The following NAIP variants were observed in gnomAD, a reference collection of about 807,000 sequenced individuals.
NAIP encodes the protein NLR family apoptosis inhibitory protein.
Under a neutral mutation model 23.0 loss-of-function variants are expected in NAIP, and 15 were observed. The ratio of observed to expected loss-of-function variants is 0.65; its 90% CI spans 0.44 to 1.00. The LOEUF is 1.00. Among genes scored for constraint, NAIP ranks in the 50% least tolerant of loss-of-function variants. The probability of loss-of-function intolerance (pLI) is 0.00; values close to 1 mark genes in which losing one functional copy is unlikely to be tolerated. For missense variants in NAIP, 265 were observed against 278.8 expected, an observed-to-expected ratio of 0.95 and a Z score of 0.35; for synonymous variants, 100 against 100.2, an observed-to-expected ratio of 1.00 and a Z score of 0.01.
At position 71,012,435 on chromosome 5, in the gene NAIP, C is replaced by T. The variant is rs61757629; in HGVS notation, c.481G>A (p.Ala161Thr). The change falls in exon 4 of 17, where the codon GCT (alanine) becomes ACT (threonine). Residue 161 changes from alanine (A) to threonine (T), a missense_variant. Transcript: ENST00000517649. ...GGKMRYQEEE[A>T]RLASFRNWPF... ...CAGTTCCTGAAGGACGCAAGTCTAG[C>T]CTCCTCTTCTTGGTACCTCATTTTA... The T allele has an allele frequency of 0.022, 34,688 of 1,591,440 alleles. 1,401 individuals are homozygous for T. The highest frequency in any genetic ancestry group is 0.028 in the Middle Eastern group (168 of 6,022).
chr5:70,978,791 C>T (rs1580911658), intron 13 of NAIP, among the ~76,000 whole-genome samples: 5 of 53,204 alleles, frequency 9.4e-5, no homozygotes, highest in Admixed American at 2.2e-4. Context: ...GGATTTCTTT[C>T]TTTTTTTTTT....
At chr5:71,010,708 A>G (rs1438568961) in intron 5 of NAIP, among the ~76,000 whole-genome samples, 1 of 151,488 alleles carries the variant, frequency 6.6e-6, no homozygotes, top group Non-Finnish European at 1.5e-5. Flanking sequence ...TTATTTATTA[A>G]TTAAGGCAGA....
At chr5:71,010,095 G>A (rs1751075798) in intron 5 of NAIP, among the ~76,000 whole-genome samples, 1 of 151,338 alleles carries the variant, frequency 6.6e-6, no homozygotes, top group Non-Finnish European at 1.5e-5. Flanking sequence ...CACCCCTATG[G>A]AAATTATTAT....
intron 5 of NAIP, among the ~76,000 whole-genome samples, chr5:71,008,421 GT>G (rs1750975982): frequency 1.0e-5 from 1 of 97,678 alleles, no homozygotes; most frequent in Non-Finnish European, 2.1e-5. Context: ...ACTTATAAAT[GT>G]AAATAACTGT....
At chr5:71,013,043 T>C (rs975545842) in intron 3 of NAIP, 125 bp from the exon 4 acceptor site, 1 of 927,008 alleles carries the variant, frequency 1.1e-6, no homozygotes, top group Non-Finnish European at 1.6e-6. Flanking sequence ...AAAAGATAAA[T>C]TGTTGGAAAA....
intron 3 of NAIP, among the ~76,000 whole-genome samples, chr5:71,016,447 C>T (rs1412574720): frequency 6.6e-6 from 1 of 151,386 alleles, no homozygotes; most frequent in Non-Finnish European, 1.5e-5. Flanking sequence ...CCATTACCCT[C>T]CTAGCCCTAG....
intron 13 of NAIP, among the ~76,000 whole-genome samples, chr5:70,978,147 ATAT>A (rs1160838389): frequency 7.5e-4 from 28 of 37,556 alleles, no homozygotes; most frequent in African/African-American, 1.3e-3. Flanking sequence ...ATATATATAT[ATAT>A]TTTTTTTTTT....
At position 70,969,950 on chromosome 5, in the gene NAIP, GT is replaced by G. The variant is rs1214214091; in HGVS notation, c.*153del. 2 of 309,478 alleles carry G rather than the reference GT, an allele frequency of 6.5e-6. No homozygotes were observed. The highest frequency in any genetic ancestry group is 4.6e-5 in the Admixed American group (1 of 21,542). 19.2% of individuals were successfully genotyped at this position (309,478 alleles called of 1,614,324 possible). ...GCAGGACTGTGTTTTGTTTTGTTTTGTTTTTTAGCAAGCCTTACACATTTTC... is the reference window on the plus strand; with the variant it reads ...GCAGGACTGTGTTTTGTTTTGTTTTGTTTTTAGCAAGCCTTACACATTTTC... On this transcript the variant is annotated 3_prime_UTR_variant, in exon 17 of 17. Transcript: ENST00000517649.
intron 3 of NAIP, among the ~76,000 whole-genome samples, chr5:71,017,369 T>C (rs1751491553): frequency 1.1e-5 from 1 of 94,556 alleles, no homozygotes; most frequent in Admixed American, 1.2e-4. Flanking sequence ...ATCACACTGC[T>C]TTAAAGTGAC....
rs1750102601 is a variant in NAIP, at chr5:70,969,876, C to CCAATTA, written c.*227_*228insTAATTG. ...TTAGCTGGGGTGGATTACTCAGGGA[C>CCAATTA]CTCAAAGGTATTGGTGATGATTTAT... On this transcript the variant is annotated 3_prime_UTR_variant, in exon 17 of 17. Coordinates refer to ENST00000517649, the MANE Select transcript of NAIP (RefSeq NM_004536.3). 1.9e-6 allele frequency: 1 copy of CCAATTA among 532,766 alleles called. No individual in the cohort carries two copies. Among genetic ancestry groups the CCAATTA allele is most frequent in the Non-Finnish European group, 3.4e-6 (1 of 294,866 alleles). The allele number at this position is 532,766 out of a possible 1,614,324, so 33.0% of individuals were successfully genotyped here.
rs1554083615 is a variant in NAIP at position 70,979,584 on chromosome 5, A to ATAAT, written c.3442+284_3442+285insATTA. ...CGGGAGACTGTCTCAAAAAAAAAAAAAATAATAATAATAATAATAATAATA... is the reference window on the plus strand; with the variant it reads ...CGGGAGACTGTCTCAAAAAAAAAAAATAATAATAATAATAATAATAATAATAATA... On this transcript the variant is annotated intron_variant, in intron 13 of 16. Coordinates refer to ENST00000517649, the MANE Select transcript of NAIP (RefSeq NM_004536.3). Among the ~76,000 whole-genome samples, 9 of 42,824 alleles carry ATAAT rather than the reference A, an allele frequency of 2.1e-4. 1 individual carries two copies. Among genetic ancestry groups the ATAAT allele is most frequent in the African/African-American group, 9.8e-4 (9 of 9,212 alleles). The allele number at this position is 42,824 out of a possible 152,430, so 28.1% of individuals were successfully genotyped here. A position where few individuals can be genotyped will look rare whatever the true frequency, so the allele number is the denominator to read the frequency against.
chr5:71,016,395 G>A (rs1751450457), intron 3 of NAIP, among the ~76,000 whole-genome samples: 2 of 149,018 alleles, frequency 1.3e-5, no homozygotes, highest in African/African-American at 5.0e-5. Flanking sequence ...CATCCCCCCA[G>A]AAAGAAACGC....
chr5:71,010,104 A>G (rs932284054), intron 5 of NAIP, among the ~76,000 whole-genome samples: 1 of 151,490 alleles, frequency 6.6e-6, no homozygotes, highest in Non-Finnish European at 1.5e-5. Flanking sequence ...GGAAATTATT[A>G]TTACTTATTT....
chr5:71,016,294 T>TA (rs1287927812), intron 3 of NAIP, among the ~76,000 whole-genome samples: 6 of 144,780 alleles, frequency 4.1e-5, no homozygotes, highest in South Asian at 2.2e-4. Flanking sequence ...GCTCTGTCTC[T>TA]AAAAAAAGTA....
At position 71,017,550 on chromosome 5, in the gene NAIP, A is replaced by C. The variant is rs1751498543; in HGVS notation, c.-4+3109T>G. 1.9e-5 allele frequency among the ~76,000 whole-genome samples: 2 copies of C among 104,822 alleles called. 1 individual carries two copies. The highest frequency in any genetic ancestry group is 5.0e-5 in the Non-Finnish European group (2 of 40,396). 68.8% of individuals were successfully genotyped at this position (104,822 alleles called of 152,430 possible). ...CCAGGAATTTGAAACCAGCCTGGGCAACAAAGTGAGATGGAGTCTTGCTCT... is the reference window on the plus strand; with the variant it reads ...CCAGGAATTTGAAACCAGCCTGGGCCACAAAGTGAGATGGAGTCTTGCTCT... On this transcript the variant is annotated intron_variant, in intron 3 of 16. Transcript: ENST00000517649.
At chr5:70,996,435 AT>A (rs1166164558) in intron 9 of NAIP, among the ~76,000 whole-genome samples, 1 of 130,570 alleles carries the variant, frequency 7.7e-6, no homozygotes, top group Non-Finnish European at 1.6e-5. Context: ...AATAAATAAA[AT>A]TATTAATACA....
At chr5:71,010,415 C>T (rs1451224133) in intron 5 of NAIP, among the ~76,000 whole-genome samples, 5 of 151,502 alleles carry the variant, frequency 3.3e-5, no homozygotes, top group African/African-American at 1.2e-4. Flanking sequence ...ACTACAGGCA[C>T]CCGCCACCGT....
Position 71,012,559 on chromosome 5 carries a change from C to A in NAIP, c.357G>T (p.Arg119Ser). The change falls in exon 4 of 17, where the codon AGG (arginine) becomes AGT (serine). Residue 119 changes from arginine to serine, a missense_variant. Arg to Ser is a moderately radical substitution (Grantham distance 110). This residue lies in a region of NAIP where 261 missense variants were observed against 259.2 expected (regional missense o/e 1.01). Transcript: ENST00000517649. ...LTRLPIEDHKRFHPDCGFLLN... is the reference protein window; with the variant it reads ...LTRLPIEDHKSFHPDCGFLLN... ...AAAGGAACCCACAATCTGGATGAAACCTCTTGTGGTCTTCTATGGGGAGTC... is the reference window on the plus strand; with the variant it reads ...AAAGGAACCCACAATCTGGATGAAAACTCTTGTGGTCTTCTATGGGGAGTC... 1 of 1,611,854 alleles carries A rather than the reference C, an allele frequency of 6.2e-7. No homozygotes were observed. Among genetic ancestry groups the A allele is most frequent in the East Asian group, 2.2e-5 (1 of 44,848 alleles).
chr5:71,014,803 T>A (rs1751356745), intron 3 of NAIP, among the ~76,000 whole-genome samples: 1 of 151,404 alleles, frequency 6.6e-6, no homozygotes, highest in African/African-American at 2.4e-5. Context: ...CTCAGGAGGC[T>A]GAGGCGGGAG....
Sources: allele counts gnomAD v4.1 joint callset (sites outside exome capture counted in the v4.1 genomes callset), GRCh38; gene constraint gnomAD v4.1.1; regional missense constraint gnomAD v4.1.1; transcripts MANE v1.5; gene names NCBI Gene and HGNC (gene_info 2026-07-23, HGNC 2026-07-21).